Variants in FGGY observed in about 807,000 individuals in gnomAD.
FGGY encodes the protein FGGY carbohydrate kinase domain containing, also known as FGGY carbohydrate kinase domain-containing protein.
A neutral mutation model predicts 71.3 loss-of-function variants in FGGY; 72 were observed. The observed-to-expected ratio is 1.01, with a 90% CI of 0.84 to 1.23. The LOEUF (loss-of-function observed/expected upper bound fraction) is 1.23, where lower values mean the gene tolerates loss of function less well. Ranked by LOEUF, FGGY falls within the 50% of genes most tolerant of loss-of-function variation. The pLI, the probability that FGGY is intolerant of heterozygous loss-of-function variation, is 0.00. For synonymous variants in FGGY, 251 were observed against 250.3 expected (o/e 1.00, Z -0.02); for missense variants, 668 against 682.3 (o/e 0.98, Z 0.23).
intron 6 of FGGY, among the ~76,000 whole-genome samples, chr1:59,503,594 C>CATATATATATATATATATATATATAT (rs71046332): frequency 6.3e-5 from 8 of 127,716 alleles, no homozygotes; most frequent in African/African-American, 1.9e-4. Context: ...GTGGTGTCGC[C>CATATATATATATATATATATATATAT]ATATATATAT....
intron 1 of FGGY, among the ~76,000 whole-genome samples, chr1:59,301,823 C>T (rs1405829269): frequency 6.7e-6 from 1 of 149,850 alleles, no homozygotes; most frequent in Non-Finnish European, 1.5e-5. Flanking sequence ...AAGCGATTCT[C>T]CTGCCTCAGC....
chr1:59,536,893 C>G (rs1220352432), intron 7 of FGGY, among the ~76,000 whole-genome samples: 1 of 152,156 alleles, frequency 6.6e-6, no homozygotes, highest in East Asian at 1.9e-4. Context: ...CAATATCATA[C>G]TGAATGGGCA....
At chr1:59,621,210 G>C (rs1036135048) in intron 9 of FGGY, among the ~76,000 whole-genome samples, 2 of 151,884 alleles carry the variant, frequency 1.3e-5, no homozygotes. Context: ...AATTACCCCC[G>C]TAAGAGCCAT....
intron 4 of FGGY, among the ~76,000 whole-genome samples, chr1:59,347,040 A>C (rs1557626343): frequency 1.3e-5 from 2 of 151,014 alleles, no homozygotes; most frequent in Non-Finnish European, 2.9e-5. Flanking sequence ...AAGCAATCTC[A>C]GAAAAAGTGT....
intron 7 of FGGY, among the ~76,000 whole-genome samples, chr1:59,534,909 A>G (rs1240611206): frequency 3.9e-5 from 6 of 152,158 alleles, no homozygotes; most frequent in African/African-American, 1.2e-4. Flanking sequence ...GAGACTAGGA[A>G]GAAACTGCAT....
chr1:59,359,579 A>G (rs892944882), intron 4 of FGGY, among the ~76,000 whole-genome samples: 11 of 152,196 alleles, frequency 7.2e-5, no homozygotes, highest in African/African-American at 2.4e-5. Flanking sequence ...TTCTGAACCC[A>G]GGGGTCTTGG....
chr1:59,692,652 T>C (rs1328625628), intron 14 of FGGY, among the ~76,000 whole-genome samples: 1 of 139,010 alleles, frequency 7.2e-6, no homozygotes, highest in African/African-American at 2.6e-5. Context: ...AAAAAAAAAG[T>C]TGGGGGAGAA....
At chr1:59,676,291 G>A (rs1299772474) in intron 14 of FGGY, among the ~76,000 whole-genome samples, 1 of 152,044 alleles carries the variant, frequency 6.6e-6, no homozygotes, top group Admixed American at 6.6e-5. Flanking sequence ...AAGCAGAATT[G>A]AAATGAAGGT....
chr1:59,647,482 A>C (rs771510736), intron 11 of FGGY, among the ~76,000 whole-genome samples: 20 of 152,314 alleles, frequency 1.3e-4, no homozygotes, highest in East Asian at 9.6e-4. Context: ...ATTCTCTTAC[A>C]GTTCTTCAGG....
intron 14 of FGGY, chr1:59,697,602 C>T (rs1558832062): frequency 2.7e-6 from 3 of 1,094,868 alleles, no homozygotes; most frequent in Non-Finnish European, 3.8e-6. Flanking sequence ...ACCATCGTCG[C>T]TGTGAAGACT....
intron 9 of FGGY, among the ~76,000 whole-genome samples, chr1:59,623,121 G>C (rs1455201449): frequency 6.6e-6 from 1 of 152,124 alleles, no homozygotes; most frequent in Non-Finnish European, 1.5e-5. Flanking sequence ...AGTAAGGATA[G>C]AAAATATCTG....
At chr1:59,463,976 G>C (rs964512634) in intron 6 of FGGY, among the ~76,000 whole-genome samples, 48 of 152,134 alleles carry the variant, frequency 3.2e-4, no homozygotes, top group Non-Finnish European at 7.1e-4. Context: ...GCTTAACAAG[G>C]ATACCCAGGA....
At chr1:59,742,335 A>G (rs143781738) in intron 14 of FGGY, among the ~76,000 whole-genome samples, 4 of 152,118 alleles carry the variant, frequency 2.6e-5, no homozygotes, top group African/African-American at 7.2e-5. Flanking sequence ...GGGCTTTTCA[A>G]CCCCTACTCA....
intron 14 of FGGY, among the ~76,000 whole-genome samples, chr1:59,701,863 G>A (rs965163741): frequency 2.6e-5 from 4 of 152,136 alleles, no homozygotes; most frequent in African/African-American, 9.7e-5. Context: ...ATGAGTACAT[G>A]AATGTATAAA....
At chr1:59,671,094 G>A (rs545107258) in intron 13 of FGGY, among the ~76,000 whole-genome samples, 2 of 152,266 alleles carry the variant, frequency 1.3e-5, no homozygotes, top group Middle Eastern at 6.8e-3. Flanking sequence ...CCTGAGGTTG[G>A]CACAGGGATG....
chr1:59,410,722 C>G (rs754894445), intron 5 of FGGY, among the ~76,000 whole-genome samples: 1 of 152,056 alleles, frequency 6.6e-6, no homozygotes, highest in Non-Finnish European at 1.5e-5. Flanking sequence ...CTCTGAGGCT[C>G]GGGCAGGTAA....
chr1:59,739,051 G>T (rs1460063012), intron 14 of FGGY, among the ~76,000 whole-genome samples: 2 of 152,180 alleles, frequency 1.3e-5, no homozygotes, highest in Admixed American at 1.3e-4. Flanking sequence ...CATGGAGTGG[G>T]GAACAGAGCA....
chr1:59,423,322 A>AT (rs1206537587), intron 5 of FGGY, among the ~76,000 whole-genome samples: 9 of 151,266 alleles, frequency 5.9e-5, no homozygotes, highest in African/African-American at 1.7e-4. Context: ...CCCATATCTG[A>AT]TTTTTTTTTC....
intron 8 of FGGY, among the ~76,000 whole-genome samples, chr1:59,586,050 A>C (rs2096280205): frequency 2.6e-5 from 4 of 152,240 alleles, no homozygotes; most frequent in Non-Finnish European, 5.9e-5. Context: ...GAACACTTTT[A>C]CACTGTTGTT....
Sources: gnomAD v4.1 joint callset for allele counts (sites outside exome capture counted in the v4.1 genomes callset) on GRCh38, gnomAD v4.1.1 for gene constraint, MANE v1.5 for transcripts, NCBI Gene and HGNC (gene_info 2026-07-23, HGNC 2026-07-21) for gene names.